Variants in GLI2 observed in about 807,000 individuals in gnomAD.
The protein encoded by GLI2 is transcription activator GLI2.
GLI2 carries 22 observed loss-of-function variants against 78.9 expected under a neutral mutation model. The observed-to-expected ratio is 0.28, with a 90% CI of 0.20 to 0.40. GLI2 has a LOEUF of 0.40. Among genes scored for constraint, GLI2 ranks in the 10% least tolerant of loss-of-function variants. GLI2 has a pLI of 1.00. For missense variants in GLI2, 2,097 were observed against 2,213.2 expected, an observed-to-expected ratio of 0.95 and a Z score of 1.05; for synonymous variants, 974 against 963.7, an observed-to-expected ratio of 1.01 and a Z score of -0.20.
rs558576659 is a variant in GLI2 at position 120,890,192 on chromosome 2, G to A, written c.149-37169G>A. Among the ~76,000 whole-genome samples, 4 of 152,250 alleles carry A rather than the reference G, an allele frequency of 2.6e-5. No homozygotes were observed. In the East Asian group the frequency reaches 7.7e-4, roughly 29 times the overall value. ...CTGAATCTTCGGGGAATTATGCTGA[G>A]TGCAAAAGCCAATCCCAAAAGGTTA... On this transcript the variant is annotated intron_variant, in intron 2 of 13. Transcript: ENST00000361492.
intron 1 of GLI2, among the ~76,000 whole-genome samples, chr2:120,773,429 G>T (rs892422738): frequency 1.3e-5 from 2 of 152,150 alleles, no homozygotes; most frequent in African/African-American, 4.8e-5. Flanking sequence ...GCCCAGGCAG[G>T]GATGGGAAAG....
At chr2:120,945,834 C>T (rs768701877) in intron 3 of GLI2, among the ~76,000 whole-genome samples, 1 of 152,114 alleles carries the variant, frequency 6.6e-6, no homozygotes, top group Non-Finnish European at 1.5e-5. Flanking sequence ...ATATGGAATA[C>T]ATTGATCACC....
At chr2:120,759,239 C>G (rs981133853) in intron 1 of GLI2, among the ~76,000 whole-genome samples, 1 of 152,164 alleles carries the variant, frequency 6.6e-6, no homozygotes, top group Non-Finnish European at 1.5e-5. Flanking sequence ...GCCGTGAATA[C>G]CAGCTAGGTG....
At chr2:120,912,493 A>G (rs976445095) in intron 2 of GLI2, among the ~76,000 whole-genome samples, 1 of 152,094 alleles carries the variant, frequency 6.6e-6, no homozygotes, top group South Asian at 2.1e-4. Context: ...CTGCTGGTGG[A>G]CACCGTATCC....
Position 120,834,892 on chromosome 2 carries a change from TG to T in GLI2, c.148+37426del, listed in dbSNP as rs1358751189. On this transcript the variant is annotated intron_variant, in intron 2 of 13. Transcript: ENST00000361492. ...AGGACCTTCTGGTGCACTCCTCATG[TG>T]GCATTTCAGGGGCTCTGCACCCCAT... Among the ~76,000 whole-genome samples the T allele has an allele frequency of 1.8e-4, 27 of 152,254 alleles. No homozygotes were observed. In the East Asian group the frequency reaches 3.7e-3, roughly 21 times the overall value.
intron 2 of GLI2, among the ~76,000 whole-genome samples, chr2:120,869,407 C>T (rs961551111): frequency 1.9e-4 from 29 of 152,196 alleles, no homozygotes; most frequent in Admixed American, 7.9e-4. Flanking sequence ...TTTCCCCTAG[C>T]TAGCCCCATC....
At chr2:120,899,872 G>C (rs1678168884) in intron 2 of GLI2, among the ~76,000 whole-genome samples, 1 of 152,204 alleles carries the variant, frequency 6.6e-6, no homozygotes, top group South Asian at 2.1e-4. Context: ...AAATGACCCT[G>C]TTATGTGGAC....
intron 2 of GLI2, among the ~76,000 whole-genome samples, chr2:120,912,702 AC>A (rs1261508741): frequency 6.6e-6 from 1 of 151,210 alleles, no homozygotes; most frequent in Non-Finnish European, 1.5e-5. Flanking sequence ...GCCCCTCATG[AC>A]CCCGGCATGG....
At chr2:120,766,010 CTCTGTGGGCAAGGTCTCGGAGACG>C (rs531383876) in intron 1 of GLI2, among the ~76,000 whole-genome samples, 92 of 152,304 alleles carry the variant, frequency 6.0e-4, no homozygotes, top group African/African-American at 2.2e-3. Flanking sequence ...ACAAAAGTCC[CTCTGTGGGCAAGGTCTCGGAGACG>C]TCTGGAGCTC....
chr2:120,902,982 G>T (rs1195723096), intron 2 of GLI2, among the ~76,000 whole-genome samples: 1 of 152,182 alleles, frequency 6.6e-6, no homozygotes, highest in African/African-American at 2.4e-5. Context: ...AGCTGAGGCA[G>T]GAGAGGGAAG....
chr2:120,910,221 G>T (rs1228574914), intron 2 of GLI2, among the ~76,000 whole-genome samples: 2 of 152,158 alleles, frequency 1.3e-5, no homozygotes, highest in African/African-American at 4.8e-5. Flanking sequence ...GCCGTTTGGG[G>T]CCTCCCGGTG....
At chr2:120,943,771 G>T (rs149735312) in intron 3 of GLI2, among the ~76,000 whole-genome samples, 1 of 152,230 alleles carries the variant, frequency 6.6e-6, no homozygotes, top group South Asian at 2.1e-4. Flanking sequence ...TCCAACCCCC[G>T]AGTGGGACAG....
intron 1 of GLI2, among the ~76,000 whole-genome samples, chr2:120,773,407 C>T (rs539118273): frequency 6.6e-6 from 1 of 152,234 alleles, no homozygotes; most frequent in Admixed American, 6.5e-5. Context: ...CATCCTGTCA[C>T]CCGCGGTGAC....
chr2:120,951,428 G>C lies in GLI2; in HGVS notation c.440G>C (p.Gly147Ala), dbSNP rs755345187. The change falls in exon 4 of 14, where the codon GGC becomes GCC. Residue 147 changes from glycine (G) to alanine (A), a missense_variant. Gly to Ala is a moderately conservative substitution (Grantham distance 60). Around this residue, in one of 5 missense-constraint regions of GLI2, gnomAD observed 578 missense variants for 612.0 expected, o/e 0.94. Coordinates refer to ENST00000361492, the MANE Select transcript of GLI2 (RefSeq NM_001374353.1). Reference protein sequence around the residue: ...PTLSMISAARGLSPADVAQEH... With the variant: ...PTLSMISAARALSPADVAQEH... Reference sequence around the variant, plus strand: ...CTCTCCATGATCTCTGCAGCCAGGGGCCTCAGCCCCGCTGATGGTGAGTAG... The same window carrying C: ...CTCTCCATGATCTCTGCAGCCAGGGCCCTCAGCCCCGCTGATGGTGAGTAG... 6.2e-7 allele frequency: 1 copy of C among 1,611,784 alleles called. No homozygotes were observed.
intron 13 of GLI2, among the ~76,000 whole-genome samples, chr2:120,987,774 A>G (rs1298920012): frequency 6.6e-6 from 1 of 152,180 alleles, no homozygotes; most frequent in Admixed American, 6.5e-5. Flanking sequence ...ATTTATCTAC[A>G]GCTAGAGAAA....
chr2:120,916,190 T>G (rs1440126118), intron 2 of GLI2, among the ~76,000 whole-genome samples: 2 of 152,304 alleles, frequency 1.3e-5, no homozygotes, highest in Admixed American at 6.5e-5. Context: ...AACCCCGATA[T>G]CAGGGCTTAG....
chr2:120,864,195 G>A (rs994224012), intron 2 of GLI2, among the ~76,000 whole-genome samples: 14 of 152,200 alleles, frequency 9.2e-5, no homozygotes, highest in African/African-American at 2.7e-4. Flanking sequence ...ACACACAGAC[G>A]GGAGGGCTGC....
In GLI2 at chr2:120,988,544, G is replaced by A; in HGVS notation, c.2579G>A (p.Gly860Glu). 3 of 1,504,364 alleles carry A rather than the reference G, an allele frequency of 2.0e-6. No homozygotes were observed. 93.2% of individuals were successfully genotyped at this position (1,504,364 alleles called of 1,614,324 possible). Residue 860 changes from glycine (G) to glutamate (E), a missense_variant, in exon 14 of 14, where the codon GGG (glycine) becomes GAG (glutamate). By Grantham distance (98) the Gly-to-Glu change is moderately conservative. Around this residue, in one of 5 missense-constraint regions of GLI2, gnomAD observed 1,290 missense variants for 1,261.7 expected, o/e 1.02. Transcript: ENST00000361492. ...SEASQCSGGS[G>E]LLNLTPAQQY... is the part of the protein sequence containing the mutation. ...GCCAGCCAGTGCAGCGGCGGCTCCGGGCTGCTCAACCTCACGCCGGCGCAG... is the reference window on the plus strand; with the variant it reads ...GCCAGCCAGTGCAGCGGCGGCTCCGAGCTGCTCAACCTCACGCCGGCGCAG...
At chr2:120,777,099 C>T (rs942293467) in intron 1 of GLI2, among the ~76,000 whole-genome samples, 4 of 152,028 alleles carry the variant, frequency 2.6e-5, no homozygotes, top group African/African-American at 4.8e-5. Flanking sequence ...CAGCTGATTG[C>T]GTGAGTGTGT....
Sources: allele counts gnomAD v4.1 joint callset (sites outside exome capture counted in the v4.1 genomes callset), GRCh38; gene constraint gnomAD v4.1.1; regional missense constraint gnomAD v4.1.1; transcripts MANE v1.5; gene names NCBI Gene and HGNC (gene_info 2026-07-23, HGNC 2026-07-21).